The following CNOT2 variants were observed in gnomAD, a reference collection of about 807,000 sequenced individuals.
CNOT2 encodes the protein CCR4-NOT transcription complex subunit 2.
A neutral mutation model predicts 72.1 loss-of-function variants in CNOT2; 7 were observed. That is an observed-to-expected ratio of 0.10 (90% CI 0.06 to 0.18). The LOEUF (loss-of-function observed/expected upper bound fraction) is 0.18. Ranked by LOEUF, CNOT2 falls within the 10% of genes least tolerant of loss-of-function variation. The pLI is 1.00. For missense variants in CNOT2, 345 were observed against 660.3 expected (o/e 0.52, Z 5.23); for synonymous variants, 196 against 225.6 (o/e 0.87, Z 1.17).
intron 14 of CNOT2, chr12:70,344,582 A>G (rs1881925692): frequency 5.2e-6 from 1 of 192,006 alleles, no homozygotes; most frequent in African/African-American, 2.4e-5. Context: ...AATATTAGCT[A>G]GGTGTGGTGG....
At chr12:70,323,115 A>C (rs1878553349) in intron 4 of CNOT2, 1 of 151,584 alleles carries the variant, frequency 6.6e-6, no homozygotes, top group Admixed American at 6.6e-5. Context: ...GTATGGAAAA[A>C]CTTCAAAAAG....
intron 2 of CNOT2, chr12:70,297,735 T>G: frequency 3.0e-6 from 1 of 335,466 alleles, no homozygotes; most frequent in Non-Finnish European, 5.9e-6. Flanking sequence ...TGGATAATAA[T>G]TTTTTTTTGT....
chr12:70,300,722 T>C (rs1196076027), intron 2 of CNOT2, among the ~76,000 whole-genome samples: 2 of 152,206 alleles, frequency 1.3e-5, no homozygotes, highest in Admixed American at 6.5e-5. Flanking sequence ...TGGTGCCATA[T>C]GAACTTTAAA....
chr12:70,333,001 C>G (rs1195233411), intron 7 of CNOT2, among the ~76,000 whole-genome samples, 155 bp downstream of exon 7: 1 of 151,830 alleles, frequency 6.6e-6, no homozygotes, highest in Non-Finnish European at 1.5e-5. Flanking sequence ...GGATTCAATA[C>G]AGTGAATAGT....
intron 1 of CNOT2, among the ~76,000 whole-genome samples, chr12:70,258,378 A>C (rs1958560062): frequency 6.6e-6 from 1 of 152,208 alleles, no homozygotes; most frequent in African/African-American, 2.4e-5. Context: ...GTAGGTTAAG[A>C]TGTTATGTTA....
At chr12:70,270,568 C>G (rs1959193044) in intron 1 of CNOT2, among the ~76,000 whole-genome samples, 1 of 152,066 alleles carries the variant, frequency 6.6e-6, no homozygotes, top group African/African-American at 2.4e-5. Context: ...TGCCTTCTTC[C>G]TCCTCATAGG....
At chr12:70,337,564 T>A (rs745512873) in intron 9 of CNOT2, 51 bp downstream of exon 9, 9 of 1,562,484 alleles carry the variant, frequency 5.8e-6, no homozygotes, top group Non-Finnish European at 7.9e-6. Flanking sequence ...TCCCTTCAGA[T>A]TTCTCTTATA....
intron 1 of CNOT2, among the ~76,000 whole-genome samples, chr12:70,253,192 G>C (rs900099875): frequency 1.3e-5 from 2 of 152,148 alleles, no homozygotes; most frequent in South Asian, 2.1e-4. Context: ...AAATCTAATG[G>C]GTTAGGATTC....
At chr12:70,307,375 G>GT (rs1350813084) in intron 2 of CNOT2, among the ~76,000 whole-genome samples, 1 of 151,078 alleles carries the variant, frequency 6.6e-6, no homozygotes, top group Non-Finnish European at 1.5e-5. Flanking sequence ...GAATTTTTTT[G>GT]TTTTTTTACT....
intron 9 of CNOT2, 139 bp from the exon 10 acceptor site, chr12:70,338,304 C>T: frequency 1.5e-6 from 1 of 678,528 alleles, no homozygotes; most frequent in Non-Finnish European, 2.4e-6. Flanking sequence ...AAACAATTTT[C>T]TATAGAACTT....
At chr12:70,351,340 ATGTGTGTAGTATG>A (rs1882840260) in intron 15 of CNOT2, among the ~76,000 whole-genome samples, 2 of 152,140 alleles carry the variant, frequency 1.3e-5, no homozygotes, top group African/African-American at 2.4e-5. Context: ...GAGGTTGTGC[ATGTGTGTAGTATG>A]TGTGTGTATA....
At chr12:70,320,594 A>G (rs989673057) in intron 4 of CNOT2, among the ~76,000 whole-genome samples, 4 of 151,736 alleles carry the variant, frequency 2.6e-5, no homozygotes, top group South Asian at 2.1e-4. Flanking sequence ...TTGAAGGACT[A>G]TTATTAGCTA....
At chr12:70,251,431 A>G (rs960479100) in intron 1 of CNOT2, among the ~76,000 whole-genome samples, 1 of 152,168 alleles carries the variant, frequency 6.6e-6, no homozygotes, top group African/African-American at 2.4e-5. Flanking sequence ...GTAATCCTCC[A>G]TAGCCCTTGA....
At position 70,346,716 on chromosome 12, in the gene CNOT2, T is replaced by A. The variant is rs1882216289; in HGVS notation, c.1536+392T>A. ...AACAGGCTTTTTACACTTGGACTAG[T>A]TGCAGGAAATACATCTGAATGTTTA... On this transcript the variant is annotated intron_variant, in intron 15 of 15. Transcript: ENST00000229195. 1.9e-5 allele frequency: 3 copies of A among 154,362 alleles called. No homozygotes were observed. The South Asian group carries it at 6.2e-4, about 32-fold the overall frequency. The allele number at this position is 154,362 out of a possible 1,614,324, so 9.6% of individuals were successfully genotyped here.
intron 2 of CNOT2, chr12:70,278,531 TGA>T: frequency 2.4e-6 from 1 of 419,424 alleles, no homozygotes; most frequent in Non-Finnish European, 4.3e-6. Flanking sequence ...TTAGATTATT[TGA>T]TATACAAGTT....
At chr12:70,309,027 G>T (rs1201789072) in intron 2 of CNOT2, among the ~76,000 whole-genome samples, 4 of 152,096 alleles carry the variant, frequency 2.6e-5, no homozygotes, top group Non-Finnish European at 4.4e-5. Flanking sequence ...AATCTTATGT[G>T]TAGTGAATCT....
chr12:70,282,884 C>CT (rs78810922), intron 2 of CNOT2, among the ~76,000 whole-genome samples: 6,877 of 152,102 alleles, frequency 0.045, 665 homozygotes, highest in East Asian at 0.44. Context: ...TTCCAGCCCA[C>CT]TTAAGACCCT....
chr12:70,280,094 T>C lies in CNOT2; in HGVS notation c.48+1820T>C, dbSNP rs2135812212. On this transcript the variant is annotated intron_variant, in intron 2 of 15. Coordinates refer to ENST00000229195, the MANE Select transcript of CNOT2 (RefSeq NM_014515.7). Reference sequence around the variant, plus strand: ...TATGGGAAATTCAAAGGAATGTTCATCACTAAAGTAACATTTATATTTGTA... The same window carrying C: ...TATGGGAAATTCAAAGGAATGTTCACCACTAAAGTAACATTTATATTTGTA... 2.0e-5 allele frequency among the ~76,000 whole-genome samples: 3 copies of C among 152,328 alleles called. 1 individual carries two copies. In the Middle Eastern group the frequency reaches 0.01, roughly 518 times the overall value.
intron 2 of CNOT2, among the ~76,000 whole-genome samples, chr12:70,280,986 T>C (rs1206915532): frequency 6.6e-6 from 1 of 152,198 alleles, no homozygotes. Context: ...CATTTTCTTA[T>C]CTTCCTCTAA....
Sources: gnomAD v4.1 joint callset for allele counts (sites outside exome capture counted in the v4.1 genomes callset) on GRCh38, gnomAD v4.1.1 for gene constraint, MANE v1.5 for transcripts, NCBI Gene and HGNC (gene_info 2026-07-23, HGNC 2026-07-21) for gene names.